PEX5L: variants seen among roughly 807,000 people sequenced by gnomAD.
The protein encoded by PEX5L is PEX5-related protein.
Under a neutral mutation model 84.0 loss-of-function variants are expected in PEX5L, and 30 were observed. The observed-to-expected ratio is 0.36, with a 90% CI of 0.27 to 0.48. The LOEUF (loss-of-function observed/expected upper bound fraction) is 0.48. Among genes scored for constraint, PEX5L ranks in the 20% least tolerant of loss-of-function variants. The pLI is 0.99. For missense variants in PEX5L, 533 were observed against 754.6 expected (o/e 0.71, Z 3.44); for synonymous variants, 270 against 283.1 (o/e 0.95, Z 0.46).
At chr3:180,024,024 T>C (rs976750158) in intron 1 of PEX5L, among the ~76,000 whole-genome samples, 2 of 152,100 alleles carry the variant, frequency 1.3e-5, no homozygotes, top group African/African-American at 4.8e-5. Context: ...TGTGCCTGGG[T>C]GTGGGATTGT....
chr3:179,947,282 CA>C (rs1411854441), intron 2 of PEX5L, among the ~76,000 whole-genome samples: 2 of 150,516 alleles, frequency 1.3e-5, no homozygotes, highest in African/African-American at 4.8e-5. Flanking sequence ...AATGATAATA[CA>C]GTTACCATTA....
chr3:179,990,630 T>G (rs1787295730), intron 1 of PEX5L, among the ~76,000 whole-genome samples: 1 of 152,192 alleles, frequency 6.6e-6, no homozygotes, highest in South Asian at 2.1e-4. Flanking sequence ...CTTGAACTCC[T>G]GGCCTCAGGT....
At chr3:179,995,944 T>A (rs377223594) in intron 1 of PEX5L, among the ~76,000 whole-genome samples, 1 of 152,174 alleles carries the variant, frequency 6.6e-6, no homozygotes, top group African/African-American at 2.4e-5. Flanking sequence ...TAAATTCTGA[T>A]GAACCTTTTT....
intron 1 of PEX5L, among the ~76,000 whole-genome samples, chr3:180,032,237 A>C (rs1791527512): frequency 6.6e-6 from 1 of 152,214 alleles, no homozygotes; most frequent in Admixed American, 6.5e-5. Context: ...GCTTCAACAG[A>C]GTTCTAGTTA....
chr3:179,971,286 C>T (rs990252389), intron 2 of PEX5L, among the ~76,000 whole-genome samples: 16 of 151,882 alleles, frequency 1.1e-4, no homozygotes, highest in Non-Finnish European at 2.1e-4. Context: ...TCTTGTTTAT[C>T]TTTTTCCCAG....
chr3:180,034,461 CG>C lies in PEX5L; in HGVS notation c.21+2117del, dbSNP rs1379897416. ...GATGATAGTATCTCTGATAAGGAAACGTTATTTTGTCCATAGGCTAAATAAT... is the reference window on the plus strand; with the variant it reads ...GATGATAGTATCTCTGATAAGGAAACTTATTTTGTCCATAGGCTAAATAAT... On this transcript the variant is annotated intron_variant, in intron 1 of 14. Coordinates refer to ENST00000467460, the MANE Select transcript of PEX5L (RefSeq NM_016559.3). Among the ~76,000 whole-genome samples, 4 of 152,018 alleles carry C rather than the reference CG, an allele frequency of 2.6e-5. No homozygotes were observed. The East Asian group carries it at 7.7e-4, about 29-fold the overall frequency.
At chr3:179,822,755 T>C (rs1281332380) in intron 8 of PEX5L, among the ~76,000 whole-genome samples, 1 of 152,248 alleles carries the variant, frequency 6.6e-6, no homozygotes, top group Non-Finnish European at 1.5e-5. Flanking sequence ...TAACAAGCTA[T>C]CTGCTTATAT....
chr3:179,920,152 C>A (rs1197353255), intron 2 of PEX5L, among the ~76,000 whole-genome samples: 1 of 152,212 alleles, frequency 6.6e-6, no homozygotes, highest in Non-Finnish European at 1.5e-5. Flanking sequence ...GGAGGCAAAA[C>A]CAAGTGGAGT....
At chr3:179,839,374 A>G (rs1736177952) in intron 8 of PEX5L, among the ~76,000 whole-genome samples, 1 of 152,222 alleles carries the variant, frequency 6.6e-6, no homozygotes, top group African/African-American at 2.4e-5. Flanking sequence ...TAAAAATTAC[A>G]TTAAAGATGA....
intron 1 of PEX5L, among the ~76,000 whole-genome samples, chr3:179,994,281 AG>A (rs1787652072): frequency 6.6e-6 from 1 of 152,206 alleles, no homozygotes; most frequent in Admixed American, 6.5e-5. Context: ...CATTTTTGGA[AG>A]GTTTTTTATA....
intron 1 of PEX5L, among the ~76,000 whole-genome samples, chr3:179,985,353 A>G (rs1281038959): frequency 4.6e-5 from 7 of 152,220 alleles, no homozygotes; most frequent in African/African-American, 9.6e-5. Context: ...GAAGAATGGC[A>G]TATGCAAAAG....
chr3:179,856,489 A>G (rs988285317), intron 8 of PEX5L, among the ~76,000 whole-genome samples: 1 of 152,206 alleles, frequency 6.6e-6, no homozygotes, highest in Non-Finnish European at 1.5e-5. Flanking sequence ...TTACGTCTCT[A>G]GGATAAATTC....
intron 1 of PEX5L, among the ~76,000 whole-genome samples, chr3:180,022,434 G>T (rs746080565): frequency 2.3e-4 from 35 of 152,252 alleles, no homozygotes; most frequent in Non-Finnish European, 4.1e-4. Flanking sequence ...AAGAAATTAA[G>T]AGAACTCCCT....
intron 1 of PEX5L, among the ~76,000 whole-genome samples, chr3:179,977,855 G>T (rs1785954119): frequency 6.6e-6 from 1 of 152,104 alleles, no homozygotes; most frequent in African/African-American, 2.4e-5. Flanking sequence ...CTTTTTAAAA[G>T]ACACTCATGG....
chr3:179,818,810 A>G (rs1041670364), intron 9 of PEX5L, among the ~76,000 whole-genome samples: 5 of 149,178 alleles, frequency 3.4e-5, no homozygotes, highest in East Asian at 2.0e-4. Context: ...GCTGAATGGT[A>G]CTCCATTGTA....
intron 2 of PEX5L, among the ~76,000 whole-genome samples, chr3:179,946,487 G>A (rs768285687): frequency 1.4e-4 from 22 of 152,170 alleles, no homozygotes; most frequent in Admixed American, 6.5e-4. Flanking sequence ...AAACATATGC[G>A]ATAGAGAAGT....
At chr3:179,827,648 T>C (rs913348210) in intron 8 of PEX5L, among the ~76,000 whole-genome samples, 1 of 152,188 alleles carries the variant, frequency 6.6e-6, no homozygotes, top group Admixed American at 6.5e-5. Context: ...GCCAGAGGAC[T>C]GGAGTGGGGG....
chr3:180,004,171 T>G (rs1435187640), intron 1 of PEX5L, among the ~76,000 whole-genome samples: 2 of 152,172 alleles, frequency 1.3e-5, no homozygotes, highest in Non-Finnish European at 2.9e-5. Flanking sequence ...GGCTGGGAAA[T>G]TAAATCCTGA....
intron 1 of PEX5L, among the ~76,000 whole-genome samples, chr3:180,028,891 C>T (rs1221934304): frequency 6.6e-6 from 1 of 152,192 alleles, no homozygotes; most frequent in African/African-American, 2.4e-5. Flanking sequence ...TGTGAAATAA[C>T]TCTCAAGTGA....
Sources: allele counts gnomAD v4.1 joint callset (sites outside exome capture counted in the v4.1 genomes callset), GRCh38; gene constraint gnomAD v4.1.1; transcripts MANE v1.5; gene names NCBI Gene and HGNC (gene_info 2026-07-23, HGNC 2026-07-21).